The following CSMD1 variants were observed in gnomAD, a reference collection of about 807,000 sequenced individuals.
CSMD1 encodes CUB and Sushi multiple domains 1.
A neutral mutation model predicts 417.5 loss-of-function variants in CSMD1; 213 were observed. The observed-to-expected ratio is 0.51, with a 90% CI of 0.46 to 0.57. The LOEUF (loss-of-function observed/expected upper bound fraction) is 0.57. Among genes scored for constraint, CSMD1 ranks in the 20% least tolerant of loss-of-function variants. The pLI is 0.00. For missense variants in CSMD1, 6,923 were observed against 4,529.7 expected, an observed-to-expected ratio of 1.53 and a Z score of -15.17; for synonymous variants, 2,862 against 1,736.8, an observed-to-expected ratio of 1.65 and a Z score of -16.11.
At chr8:4,791,192 T>A (rs1461634813) in intron 1 of CSMD1, among the ~76,000 whole-genome samples, 2 of 151,982 alleles carry the variant, frequency 1.3e-5, no homozygotes, top group Admixed American at 6.6e-5. Context: ...ACCACTGGTC[T>A]TGAGAGGAGA....
At chr8:3,851,028 T>C (rs1803870102) in intron 5 of CSMD1, among the ~76,000 whole-genome samples, 1 of 152,254 alleles carries the variant, frequency 6.6e-6, no homozygotes, top group African/African-American at 2.4e-5. Context: ...CCTGCAGTGA[T>C]GCTCACATAA....
intron 3 of CSMD1, among the ~76,000 whole-genome samples, chr8:4,287,967 C>T (rs921003072): frequency 6.6e-6 from 1 of 152,018 alleles, no homozygotes; most frequent in Non-Finnish European, 1.5e-5. Context: ...AATCCCAAGA[C>T]AATATGATAA....
rs529488251 is a variant in CSMD1, at chr8:4,767,982, G to A, written c.86-130424C>T. On this transcript the variant is annotated intron_variant, in intron 1 of 69. Coordinates refer to ENST00000635120, the MANE Select transcript of CSMD1 (RefSeq NM_033225.6). ...GGCGTGGGTCAATCTAGCACAGAGT[G>A]TGGAGCATGGTGGGCATTCAATTCA... Among the ~76,000 whole-genome samples, 60 of 152,278 alleles carry A rather than the reference G, an allele frequency of 3.9e-4. 1 individual carries two copies. The highest frequency in any genetic ancestry group is 6.5e-4 in the Non-Finnish European group (44 of 68,026).
chr8:3,766,658 A>G (rs1213660966), intron 5 of CSMD1, among the ~76,000 whole-genome samples: 1 of 152,138 alleles, frequency 6.6e-6, no homozygotes, highest in Non-Finnish European at 1.5e-5. Context: ...AAGACTGATA[A>G]TAAAGAAAAT....
intron 1 of CSMD1, among the ~76,000 whole-genome samples, chr8:4,887,538 T>C (rs1333625126): frequency 2.0e-5 from 3 of 151,962 alleles, no homozygotes; most frequent in Non-Finnish European, 2.9e-5. Context: ...TTTACATAGT[T>C]TTTTATTTGT....
intron 46 of CSMD1, among the ~76,000 whole-genome samples, chr8:3,102,046 C>T (rs1815795068): frequency 6.6e-6 from 1 of 152,042 alleles, no homozygotes; most frequent in African/African-American, 2.4e-5. Flanking sequence ...AGGTGATCCT[C>T]CCACCTCGGC....
chr8:3,616,909 G>A, intron 7 of CSMD1, 112 bp from the exon 8 acceptor site: 1 of 643,502 alleles, frequency 1.6e-6, no homozygotes, highest in Middle Eastern at 2.6e-4. Context: ...CTTAAAATGT[G>A]ATCTCCAAAG....
chr8:3,087,128 G>T lies in CSMD1; in HGVS notation c.7443C>A (p.Tyr2481Ter). Reference sequence around the variant, plus strand: ...AGAGTGGCGTGAGGGAGTCCCACTGGTACATGCCAAGTGGGTTTCGTCTAC... The same window carrying T: ...AGAGTGGCGTGAGGGAGTCCCACTGTTACATGCCAAGTGGGTTTCGTCTAC... ...ATCRRNPLGM[Y>*]QWDSLTPLCQ... The change falls in exon 49 of 70, where the codon TAC (tyrosine) becomes TAA (stop). Residue 2481 changes from tyrosine (Y) to a stop codon, truncating the protein, a stop_gained. Coordinates refer to ENST00000635120, the MANE Select transcript of CSMD1 (RefSeq NM_033225.6). LOFTEE classifies it high-confidence loss of function. The T allele has an allele frequency of 6.2e-7, 1 of 1,613,644 alleles. No homozygotes were observed. The highest frequency in any genetic ancestry group is 8.5e-7 in the Non-Finnish European group (1 of 1,179,872).
chr8:4,547,592 C>T (rs1218641639), intron 2 of CSMD1, among the ~76,000 whole-genome samples: 1 of 152,118 alleles, frequency 6.6e-6, no homozygotes, highest in Non-Finnish European at 1.5e-5. Context: ...CAAGTAATGC[C>T]TGTGTCATTC....
At chr8:4,424,895 AATG>A (rs1797456887) in intron 2 of CSMD1, among the ~76,000 whole-genome samples, 1 of 152,080 alleles carries the variant, frequency 6.6e-6, no homozygotes, top group South Asian at 2.1e-4. Context: ...GTGAATCTAT[AATG>A]ATCTCACATT....
At chr8:3,876,300 A>G (rs1805812504) in intron 5 of CSMD1, among the ~76,000 whole-genome samples, 1 of 152,274 alleles carries the variant, frequency 6.6e-6, no homozygotes, top group African/African-American at 2.4e-5. Context: ...TAGAATTAGT[A>G]TGGGAAAAGG....
chr8:4,014,284 T>A (rs138869361), intron 4 of CSMD1, among the ~76,000 whole-genome samples: 1 of 152,218 alleles, frequency 6.6e-6, no homozygotes, highest in East Asian at 1.9e-4. Context: ...ACACTAATTA[T>A]GGCATTGCGT....
chr8:4,077,550 C>T (rs1322608870), intron 3 of CSMD1, among the ~76,000 whole-genome samples: 1 of 151,982 alleles, frequency 6.6e-6, no homozygotes, highest in African/African-American at 2.4e-5. Context: ...GTCAAAACAA[C>T]ACATTCCCTG....
intron 2 of CSMD1, among the ~76,000 whole-genome samples, chr8:4,601,250 C>T (rs1004498053): frequency 6.6e-6 from 1 of 152,200 alleles, no homozygotes; most frequent in Admixed American, 6.5e-5. Context: ...GCCACCGCAC[C>T]TGGCCAGATT....
intron 6 of CSMD1, among the ~76,000 whole-genome samples, chr8:3,748,595 C>G (rs1029949051): frequency 6.6e-6 from 1 of 152,174 alleles, no homozygotes; most frequent in African/African-American, 2.4e-5. Context: ...ACCATGCATG[C>G]CACCAGAATC....
At chr8:3,901,918 G>A (rs2930377) in intron 5 of CSMD1, among the ~76,000 whole-genome samples, 1 of 152,046 alleles carries the variant, frequency 6.6e-6, no homozygotes, top group Non-Finnish European at 1.5e-5. Context: ...GCCATGATGT[G>A]TGACTATGAA....
chr8:3,672,757 A>G (rs1291751905), intron 7 of CSMD1, among the ~76,000 whole-genome samples: 2 of 152,170 alleles, frequency 1.3e-5, no homozygotes, highest in East Asian at 1.9e-4. Context: ...GGCAAATGGA[A>G]GAAGGCTGCA....
intron 5 of CSMD1, among the ~76,000 whole-genome samples, chr8:3,832,107 C>G (rs11786964): frequency 0.32 from 49,246 of 151,916 alleles, 8,296 homozygotes; most frequent in Non-Finnish European, 0.37. Flanking sequence ...GCCTTATGTG[C>G]ATGTGGGCAA....
At chr8:3,094,888 A>T (rs1010989917) in intron 47 of CSMD1, among the ~76,000 whole-genome samples, 2 of 152,124 alleles carry the variant, frequency 1.3e-5, no homozygotes, top group African/African-American at 2.4e-5. Flanking sequence ...ATCGCTTAAA[A>T]ACATATTCAC....
Sources: allele counts gnomAD v4.1 joint callset (sites outside exome capture counted in the v4.1 genomes callset), GRCh38; gene constraint gnomAD v4.1.1; transcripts MANE v1.5; gene names NCBI Gene and HGNC (gene_info 2026-07-23, HGNC 2026-07-21).